The following SEMA3A variants were observed in gnomAD, a reference collection of about 807,000 sequenced individuals.
SEMA3A encodes semaphorin-3A.
A neutral mutation model predicts 97.9 loss-of-function variants in SEMA3A; 29 were observed. The ratio of observed to expected loss-of-function variants is 0.30; its 90% confidence interval spans 0.22 to 0.40. SEMA3A has a LOEUF of 0.40. Ranked by LOEUF, SEMA3A falls within the 10% of genes least tolerant of loss-of-function variation. SEMA3A has a pLI of 1.00. For synonymous variants in SEMA3A, 321 were observed against 323.7 expected (o/e 0.99, Z 0.09); for missense variants, 763 against 951.3 (o/e 0.80, Z 2.60).
At position 84,358,864 on chromosome 7, in the gene SEMA3A, G is replaced by A. The variant is rs141404464; in HGVS notation, c.-169+12960C>T. ...AAGAGGTCCTTCATATCCCTTGTAAGTTGTATTCCTAGGTATTGTATTCTC... is the reference window on the plus strand; with the variant it reads ...AAGAGGTCCTTCATATCCCTTGTAAATTGTATTCCTAGGTATTGTATTCTC... On this transcript the variant is annotated intron_variant, in intron 2 of 3. Transcript: ENST00000424555. Among the ~76,000 whole-genome samples, 893 of 152,232 alleles carry A rather than the reference G, an allele frequency of 5.9e-3. 11 individuals are homozygous for A. Among genetic ancestry groups the A allele is most frequent in the African/African-American group, 0.02 (830 of 41,532 alleles).
intron 15 of SEMA3A, among the ~76,000 whole-genome samples, chr7:83,973,525 C>T (rs1263396790): frequency 6.6e-5 from 10 of 152,070 alleles, no homozygotes; most frequent in African/African-American, 2.2e-4. Flanking sequence ...TATTGAGACT[C>T]CTCTTGGGGC....
intron 3 of SEMA3A, among the ~76,000 whole-genome samples, chr7:84,124,941 T>C (rs980831053): frequency 6.6e-6 from 1 of 151,738 alleles, no homozygotes; most frequent in Non-Finnish European, 1.5e-5. Flanking sequence ...GCATAAAAAA[T>C]GTATGAAAAG....
intron 11 of SEMA3A, among the ~76,000 whole-genome samples, chr7:84,004,466 A>C (rs1287699130): frequency 6.6e-6 from 1 of 152,040 alleles, no homozygotes; most frequent in African/African-American, 2.4e-5. Flanking sequence ...ACACTGAAAA[A>C]ATTTTATTGC....
intron 5 of SEMA3A, among the ~76,000 whole-genome samples, chr7:84,047,113 T>G (rs1400475979): frequency 6.6e-6 from 1 of 151,916 alleles, no homozygotes. Context: ...CAGAAATGTG[T>G]TTTAAGAGGA....
intron 1 of SEMA3A, among the ~76,000 whole-genome samples, chr7:84,181,001 A>T (rs571303465): frequency 6.6e-5 from 10 of 152,228 alleles, no homozygotes; most frequent in African/African-American, 2.4e-4. Flanking sequence ...TTTATTAAAA[A>T]ATTGGGAGTA....
intron 1 of SEMA3A, among the ~76,000 whole-genome samples, chr7:84,156,430 G>C (rs1796847641): frequency 6.6e-6 from 1 of 152,074 alleles, no homozygotes; most frequent in African/African-American, 2.4e-5. Flanking sequence ...AGCTATGATA[G>C]CATTCTCAAC....
intron 1 of SEMA3A, among the ~76,000 whole-genome samples, chr7:84,451,983 T>G (rs898513984): frequency 1.3e-5 from 2 of 152,198 alleles, no homozygotes; most frequent in African/African-American, 4.8e-5. Flanking sequence ...TCTCCTACTC[T>G]TAATCTATAA....
chr7:84,458,952 T>G (rs935183089), intron 1 of SEMA3A, among the ~76,000 whole-genome samples: 1 of 152,072 alleles, frequency 6.6e-6, no homozygotes, highest in Non-Finnish European at 1.5e-5. Context: ...TCCTCTTCAT[T>G]CTCCTCTCCT....
At chr7:84,032,810 G>A (rs1791808412) in intron 6 of SEMA3A, among the ~76,000 whole-genome samples, 1 of 151,476 alleles carries the variant, frequency 6.6e-6, no homozygotes, top group Non-Finnish European at 1.5e-5. Flanking sequence ...TACAAAAGTT[G>A]CTATATTTAC....
chr7:84,427,122 C>A (rs939422441), intron 1 of SEMA3A, among the ~76,000 whole-genome samples: 3 of 152,086 alleles, frequency 2.0e-5, no homozygotes, highest in Non-Finnish European at 4.4e-5. Context: ...ATAATAAATA[C>A]CATCCCTTTT....
chr7:84,477,840 A>G (rs555233195), intron 1 of SEMA3A, among the ~76,000 whole-genome samples: 85 of 152,302 alleles, frequency 5.6e-4, no homozygotes, highest in African/African-American at 1.9e-3. Flanking sequence ...AATTTCCGTG[A>G]AAGTTATTGA....
At chr7:84,382,771 G>A (rs1334893098) in intron 1 of SEMA3A, among the ~76,000 whole-genome samples, 2 of 151,192 alleles carry the variant, frequency 1.3e-5, no homozygotes, top group Non-Finnish European at 2.9e-5. Flanking sequence ...CCAGCTACTC[G>A]GGAGGCTGAG....
At position 83,959,046 on chromosome 7, in the gene SEMA3A, T is replaced by G. The variant is rs953631426; in HGVS notation, c.*2325A>C. On this transcript the variant is annotated 3_prime_UTR_variant, in exon 17 of 17. Transcript: ENST00000265362. ...TGCAAGTTATATCTACAATTTTCTT[T>G]GAAAACTTAGACCTGATGGTATATA... 6.6e-6 allele frequency: 1 copy of G among 152,088 alleles called. No individual in the cohort carries two copies. Among genetic ancestry groups the G allele is most frequent in the Admixed American group, 6.6e-5 (1 of 15,262 alleles). 9.4% of individuals were successfully genotyped at this position (152,088 alleles called of 1,614,324 possible).
At chr7:84,251,327 C>A (rs889355910) in intron 3 of SEMA3A, among the ~76,000 whole-genome samples, 1 of 152,046 alleles carries the variant, frequency 6.6e-6, no homozygotes. Flanking sequence ...CTGGAATTTC[C>A]GATTGAGGAA....
intron 5 of SEMA3A, among the ~76,000 whole-genome samples, chr7:84,052,210 A>G (rs1447235817): frequency 3.9e-5 from 6 of 151,954 alleles, no homozygotes; most frequent in Non-Finnish European, 7.4e-5. Flanking sequence ...TGGTATCAGG[A>G]TGATGCTGGC....
At position 84,319,406 on chromosome 7, in the gene SEMA3A, G is replaced by A. The variant is rs928811715; in HGVS notation, c.-168-12114C>T. On this transcript the variant is annotated intron_variant, in intron 2 of 3. Coordinates refer to the SEMA3A transcript ENST00000424555. The stretch of plus-strand genomic sequence containing the variant: ...GTCTGGTGCACCAAACAGGAAGGGG[G>A]AAGGGGGTAAAGAGGTAGATTATAT... Among the ~76,000 whole-genome samples the A allele has an allele frequency of 4.0e-5, 6 of 151,896 alleles. No homozygotes were observed. The East Asian group carries it at 1.2e-3, about 29-fold the overall frequency.
At chr7:84,297,872 C>A (rs2115810934) in intron 3 of SEMA3A, among the ~76,000 whole-genome samples, 1 of 152,306 alleles carries the variant, frequency 6.6e-6, no homozygotes, top group East Asian at 1.9e-4. Context: ...AGTCTATACT[C>A]CCACTTCAGC....
chr7:84,317,656 ATT>A (rs1257953122), intron 2 of SEMA3A, among the ~76,000 whole-genome samples: 1 of 152,096 alleles, frequency 6.6e-6, no homozygotes, highest in Non-Finnish European at 1.5e-5. Flanking sequence ...TTTGTGGTTT[ATT>A]TCACATTCAC....
intron 2 of SEMA3A, among the ~76,000 whole-genome samples, chr7:84,332,867 C>CAT (rs1285668318): frequency 1.3e-5 from 2 of 151,920 alleles, no homozygotes; most frequent in Non-Finnish European, 2.9e-5. Context: ...TCTTGACTCC[C>CAT]TACATACATA....
Sources: gnomAD v4.1 joint callset for allele counts (sites outside exome capture counted in the v4.1 genomes callset) on GRCh38, gnomAD v4.1.1 for gene constraint, MANE v1.5 for transcripts, NCBI Gene and HGNC (gene_info 2026-07-23, HGNC 2026-07-21) for gene names.